The following NTRK2 variants were observed in gnomAD, a reference collection of about 807,000 sequenced individuals.
NTRK2 encodes BDNF/NT-3 growth factors receptor.
In NTRK2, 13 loss-of-function variants were observed where a neutral mutation model predicts 94.5. The observed-to-expected ratio is 0.14, with a 90% CI of 0.09 to 0.22. The LOEUF is 0.22. Among genes scored for constraint, NTRK2 ranks in the 10% least tolerant of loss-of-function variants. The probability of loss-of-function intolerance (pLI) is 1.00; values close to 1 mark genes in which losing one functional copy is unlikely to be tolerated. For synonymous variants in NTRK2, 372 were observed against 407.4 expected, an observed-to-expected ratio of 0.91 and a Z score of 1.05; for missense variants, 639 against 1,071.2, an observed-to-expected ratio of 0.60 and a Z score of 5.63.
At chr9:84,797,461 C>T (rs1051435760) in intron 12 of NTRK2, among the ~76,000 whole-genome samples, 3 of 142,696 alleles carry the variant, frequency 2.1e-5, no homozygotes, top group African/African-American at 7.8e-5. Flanking sequence ...GATCCCTCTT[C>T]TCTTCATGTG....
rs1588097322 is a variant in NTRK2 at position 84,977,408 on chromosome 9, C to T, written c.2172+21891C>T. Among the ~76,000 whole-genome samples the T allele has an allele frequency of 3.3e-5, 5 of 152,278 alleles. No individual in the cohort carries two copies. In the South Asian group the frequency reaches 1.0e-3, roughly 32 times the overall value. On this transcript the variant is annotated intron_variant, in intron 17 of 18. Transcript: ENST00000277120. ...CACAAAAATGCAAAAAAACATGGTT[C>T]TAAATAGCATAAAGGATGCATCCTT... is the stretch of plus-strand genomic sequence containing the variant.
At position 84,739,574 on chromosome 9, in the gene NTRK2, G is replaced by A. The variant is rs190681481; in HGVS notation, c.1160-2318G>A. Among the ~76,000 whole-genome samples the A allele has an allele frequency of 3.0e-4, 46 of 152,332 alleles. No homozygotes were observed. The East Asian group carries it at 6.2e-3, about 20-fold the overall frequency. On this transcript the variant is annotated intron_variant, in intron 9 of 18. Coordinates refer to ENST00000277120, the MANE Select transcript of NTRK2 (RefSeq NM_006180.6). Reference sequence around the variant, plus strand: ...TGAGGCCGTTTAAATGTGTGGCTGAGATAAATCTGGCTCTGAATCCTCAGG... The same window carrying A: ...TGAGGCCGTTTAAATGTGTGGCTGAAATAAATCTGGCTCTGAATCCTCAGG...
chr9:84,938,004 G>C (rs2078269984), intron 15 of NTRK2, among the ~76,000 whole-genome samples: 1 of 152,164 alleles, frequency 6.6e-6, no homozygotes, highest in African/African-American at 2.4e-5. Context: ...CTGAATAGGA[G>C]AGAGACCTTA....
intron 2 of NTRK2, among the ~76,000 whole-genome samples, chr9:84,680,230 G>A (rs137925327): frequency 6.6e-6 from 1 of 152,296 alleles, no homozygotes; most frequent in African/African-American, 2.4e-5. Flanking sequence ...CTCTGCAGAG[G>A]CAAGGAGCCC....
chr9:84,898,051 T>G (rs1376771820), intron 14 of NTRK2, among the ~76,000 whole-genome samples: 1 of 148,302 alleles, frequency 6.7e-6, no homozygotes, highest in Non-Finnish European at 1.5e-5. Flanking sequence ...AGGTCTTATC[T>G]GCCACTGTTT....
intron 9 of NTRK2, among the ~76,000 whole-genome samples, chr9:84,728,948 G>C (rs2062650860): frequency 6.6e-6 from 1 of 152,234 alleles, no homozygotes; most frequent in Non-Finnish European, 1.5e-5. Context: ...GTGTTTGGAT[G>C]TTGGGAGCTG....
At chr9:84,823,564 G>A (rs1014991642) in intron 12 of NTRK2, among the ~76,000 whole-genome samples, 1 of 152,230 alleles carries the variant, frequency 6.6e-6, no homozygotes, top group African/African-American at 2.4e-5. Context: ...ATGACTACAG[G>A]TTGGGACAGT....
intron 14 of NTRK2, chr9:84,874,565 T>A: frequency 9.4e-7 from 1 of 1,064,092 alleles, no homozygotes; most frequent in East Asian, 5.0e-5. Context: ...TTCTTGATTG[T>A]TCTTCTTTCT....
chr9:84,926,188 TTCTTTC>T (rs1344769799), intron 14 of NTRK2, among the ~76,000 whole-genome samples: 1 of 133,624 alleles, frequency 7.5e-6, no homozygotes, highest in Admixed American at 7.9e-5. Context: ...CTTTCTTTCT[TTCTTTC>T]TTTCTTTCTT....
At position 84,948,622 on chromosome 9, in the gene NTRK2, A is replaced by G. The variant is rs2132886971; in HGVS notation, c.1925A>G (p.Asn642Ser). ...VFEYMKHGDL[N>S]KFLRAHGPDA... is the part of the protein sequence containing the mutation. ...GAGTACATGAAGCATGGGGACCTCA[A>G]CAAGTTCCTCAGGTACAGTGAGGCG... The change falls in exon 16 of 19, where the codon AAC becomes AGC. Residue 642 changes from asparagine to serine, a missense_variant. Physicochemically the swap from Asn to Ser is conservative, Grantham distance 46 (BLOSUM62 1). Coordinates refer to ENST00000277120, the MANE Select transcript of NTRK2 (RefSeq NM_006180.6). The G allele has an allele frequency of 6.2e-7, 1 of 1,614,168 alleles. No homozygotes were observed. Among genetic ancestry groups the G allele is most frequent in the Non-Finnish European group, 8.5e-7 (1 of 1,180,026 alleles).
At chr9:84,967,052 G>A (rs1447567570) in intron 17 of NTRK2, among the ~76,000 whole-genome samples, 3 of 152,116 alleles carry the variant, frequency 2.0e-5, no homozygotes, top group Non-Finnish European at 4.4e-5. Context: ...TGACATTTCC[G>A]AATGAACCCA....
chr9:84,709,564 G>A (rs148995306), intron 5 of NTRK2, among the ~76,000 whole-genome samples: 1 of 152,134 alleles, frequency 6.6e-6, no homozygotes, highest in Non-Finnish European at 1.5e-5. Flanking sequence ...TCCTGGAAAA[G>A]TCTCCAGGGA....
chr9:84,933,429 C>T (rs1170363981), intron 14 of NTRK2, among the ~76,000 whole-genome samples: 1 of 152,222 alleles, frequency 6.6e-6, no homozygotes, highest in Non-Finnish European at 1.5e-5. Context: ...GGATGAATGA[C>T]TTGAGCCGTC....
Position 85,023,552 on chromosome 9 carries a change from G to A in NTRK2, c.*2115G>A, listed in dbSNP as rs770891923. ...TCAAGTTATATGCTGGCCTATGAGA[G>A]ATGAGAGTTGGGTCGTTTGTTCTCT... On this transcript the variant is annotated 3_prime_UTR_variant, in exon 19 of 19. Coordinates refer to ENST00000277120, the MANE Select transcript of NTRK2 (RefSeq NM_006180.6). The A allele has an allele frequency of 4.3e-6, 1 of 232,566 alleles. No homozygotes were observed. Among genetic ancestry groups the A allele is most frequent in the Non-Finnish European group, 8.5e-6 (1 of 117,764 alleles). The allele number at this position is 232,566 out of a possible 1,614,324, so 14.4% of individuals were successfully genotyped here.
intron 12 of NTRK2, among the ~76,000 whole-genome samples, chr9:84,858,982 C>T (rs1417390759): frequency 1.3e-5 from 2 of 152,100 alleles, no homozygotes; most frequent in Non-Finnish European, 2.9e-5. Flanking sequence ...CTCAGTTCCT[C>T]GTCAATAAGC....
At chr9:84,963,011 T>G (rs889391286) in intron 17 of NTRK2, among the ~76,000 whole-genome samples, 1 of 152,250 alleles carries the variant, frequency 6.6e-6, no homozygotes, top group Non-Finnish European at 1.5e-5. Context: ...TCAGAGGCTT[T>G]CCAGTGTCAG....
chr9:84,880,964 A>G (rs1007677543), intron 14 of NTRK2, among the ~76,000 whole-genome samples: 2 of 152,230 alleles, frequency 1.3e-5, no homozygotes, highest in African/African-American at 4.8e-5. Context: ...TGTTTACTAG[A>G]GTGTTCCAAG....
At chr9:84,773,504 A>C (rs77293068) in intron 12 of NTRK2, among the ~76,000 whole-genome samples, 2,433 of 152,256 alleles carry the variant, frequency 0.016, 78 homozygotes, top group African/African-American at 0.055. Flanking sequence ...GAAATCTTAA[A>C]TCTTACTGTT....
intron 12 of NTRK2, among the ~76,000 whole-genome samples, chr9:84,846,204 T>C (rs1366977000): frequency 6.6e-6 from 1 of 152,226 alleles, no homozygotes; most frequent in Non-Finnish European, 1.5e-5. Context: ...ATTTATTTGG[T>C]TGGGTTAACA....
Sources: gnomAD v4.1 joint callset for allele counts (sites outside exome capture counted in the v4.1 genomes callset) on GRCh38, gnomAD v4.1.1 for gene constraint, MANE v1.5 for transcripts, NCBI Gene and HGNC (gene_info 2026-07-23, HGNC 2026-07-21) for gene names.